The following RASA2 variants were observed in gnomAD, a reference collection of about 807,000 sequenced individuals.
RASA2 encodes the protein RAS p21 protein activator 2.
In RASA2, 155 loss-of-function variants were observed where a neutral mutation model predicts 118.2. The observed-to-expected ratio is 1.31, with a 90% CI of 1.15 to 1.50. The LOEUF (loss-of-function observed/expected upper bound fraction) is 1.50. Ranked by LOEUF, RASA2 falls within the 40% of genes most tolerant of loss-of-function variation. The pLI is 0.00. For synonymous variants in RASA2, 353 were observed against 349.1 expected (o/e 1.01, Z -0.12); for missense variants, 1,016 against 1,009.6 (o/e 1.01, Z -0.09).
intron 17 of RASA2, among the ~76,000 whole-genome samples, chr3:141,585,067 A>T (rs2083178904): frequency 6.6e-6 from 1 of 152,182 alleles, no homozygotes; most frequent in Non-Finnish European, 1.5e-5. Flanking sequence ...GCCTTACAAA[A>T]ACAGGCTACA....
chr3:141,549,805 C>G (rs373831963), intron 5 of RASA2, among the ~76,000 whole-genome samples: 2 of 152,126 alleles, frequency 1.3e-5, no homozygotes, highest in East Asian at 3.9e-4. Flanking sequence ...TGAGATGAGT[C>G]TGGAGCATCT....
In RASA2 at chr3:141,521,617, T is replaced by A. The variant is rs79339984; in HGVS notation, c.355+5186T>A. ...TTTTTGTTTATTTTGAAAGTAAAAATCAACTTTAGGTAAAATAATTTCTAG... is the reference window on the plus strand; with the variant it reads ...TTTTTGTTTATTTTGAAAGTAAAAAACAACTTTAGGTAAAATAATTTCTAG... On this transcript the variant is annotated intron_variant, in intron 3 of 23. Transcript: ENST00000286364. 6.8e-3 allele frequency among the ~76,000 whole-genome samples: 1,042 copies of A among 152,278 alleles called. 15 individuals carry two copies. The highest frequency in any genetic ancestry group is 0.024 in the African/African-American group (993 of 41,574).
intron 1 of RASA2, among the ~76,000 whole-genome samples, chr3:141,491,880 G>A (rs76000255): frequency 0.013 from 1,973 of 152,268 alleles, 57 homozygotes; most frequent in African/African-American, 0.044. Flanking sequence ...GAATAAAACC[G>A]TCTATTTAAT....
chr3:141,493,833 G>A (rs1481674286), intron 1 of RASA2, among the ~76,000 whole-genome samples: 1 of 152,002 alleles, frequency 6.6e-6, no homozygotes, highest in Non-Finnish European at 1.5e-5. Context: ...CCTTTTTGTT[G>A]TGTGTTCTTC....
intron 19 of RASA2, among the ~76,000 whole-genome samples, chr3:141,589,005 C>T (rs2083248384): frequency 1.3e-5 from 2 of 151,948 alleles, no homozygotes; most frequent in African/African-American, 4.8e-5. Flanking sequence ...CCACACCCAG[C>T]GAATTTTTAT....
chr3:141,559,419 G>T (rs2082697303), intron 8 of RASA2, among the ~76,000 whole-genome samples: 1 of 152,010 alleles, frequency 6.6e-6, no homozygotes, highest in African/African-American at 2.4e-5. Context: ...AAATATCTAT[G>T]CCCTTTGCGA....
chr3:141,509,074 A>G (rs1339968634), intron 1 of RASA2, among the ~76,000 whole-genome samples: 1 of 152,242 alleles, frequency 6.6e-6, no homozygotes. Flanking sequence ...ATAAAGTGCC[A>G]ATTAATCACT....
At chr3:141,610,497 T>TAATATATATATATA (rs2083633192) in intron 23 of RASA2, among the ~76,000 whole-genome samples, 3 of 132,214 alleles carry the variant, frequency 2.3e-5, no homozygotes, top group Non-Finnish European at 3.1e-5. Context: ...ATATATATAT[T>TAATATATATATATA]TAGTTTTTGT....
chr3:141,503,744 C>G (rs2081820407), intron 1 of RASA2, among the ~76,000 whole-genome samples: 1 of 152,146 alleles, frequency 6.6e-6, no homozygotes, highest in South Asian at 2.1e-4. Context: ...AGGACACAGA[C>G]TTTTTGTCTG....
At chr3:141,560,026 A>G (rs758489406) in intron 9 of RASA2, 31 bp downstream of exon 9, 8 of 1,534,494 alleles carry the variant, frequency 5.2e-6, no homozygotes, top group East Asian at 2.3e-5. Flanking sequence ...TGAACTCCAT[A>G]GTTTAATTCT....
intron 4 of RASA2, among the ~76,000 whole-genome samples, chr3:141,531,009 T>C (rs1279734572): frequency 6.6e-6 from 1 of 152,150 alleles, no homozygotes; most frequent in Non-Finnish European, 1.5e-5. Flanking sequence ...TCGATTCATA[T>C]GGTTGTGAGA....
chr3:141,520,900 G>A (rs2082102739), intron 3 of RASA2, among the ~76,000 whole-genome samples: 1 of 152,266 alleles, frequency 6.6e-6, no homozygotes, highest in Middle Eastern at 3.4e-3. Flanking sequence ...AAATACAGAT[G>A]AGGGAATGTA....
intron 4 of RASA2, among the ~76,000 whole-genome samples, chr3:141,533,458 G>A (rs994104732): frequency 3.3e-5 from 5 of 152,168 alleles, no homozygotes; most frequent in Non-Finnish European, 4.4e-5. Context: ...TAATGTCAGC[G>A]CAAAGGGTTC....
At chr3:141,497,018 A>G (rs2081712360) in intron 1 of RASA2, among the ~76,000 whole-genome samples, 1 of 152,176 alleles carries the variant, frequency 6.6e-6, no homozygotes, top group Middle Eastern at 3.4e-3. Flanking sequence ...CTTTGTAGGG[A>G]CATGGATGAA....
intron 19 of RASA2, 123 bp from the exon 20 acceptor site, chr3:141,607,555 T>G (rs1256991802): frequency 5.0e-5 from 51 of 1,012,854 alleles, no homozygotes; most frequent in Non-Finnish European, 6.6e-5. Flanking sequence ...TTGTAAGTCT[T>G]CTGTAGGTTA....
chr3:141,560,382 AG>A (rs1310771418), intron 9 of RASA2, among the ~76,000 whole-genome samples: 19 of 152,166 alleles, frequency 1.2e-4, no homozygotes, highest in Admixed American at 6.5e-4. Flanking sequence ...TTGAAAGCAA[AG>A]GATTTTATTT....
intron 23 of RASA2, 120 bp downstream of exon 23, chr3:141,610,186 C>T (rs1196441200): frequency 1.2e-6 from 1 of 807,558 alleles, no homozygotes; most frequent in Non-Finnish European, 1.8e-6. Flanking sequence ...CAGGGCCATT[C>T]TCTGGTGCAA....
chr3:141,504,368 T>C (rs774678275), intron 1 of RASA2, among the ~76,000 whole-genome samples: 1 of 152,196 alleles, frequency 6.6e-6, no homozygotes, highest in Non-Finnish European at 1.5e-5. Flanking sequence ...GTATAAGGCA[T>C]CTCAGATTTA....
intron 1 of RASA2, among the ~76,000 whole-genome samples, chr3:141,507,740 A>G (rs543072943): frequency 6.6e-6 from 1 of 152,338 alleles, no homozygotes; most frequent in African/African-American, 2.4e-5. Flanking sequence ...TGCTGTGAAC[A>G]TGAACATCTC....
Sources: allele counts gnomAD v4.1 joint callset (sites outside exome capture counted in the v4.1 genomes callset), GRCh38; gene constraint gnomAD v4.1.1; transcripts MANE v1.5; gene names NCBI Gene and HGNC (gene_info 2026-07-23, HGNC 2026-07-21).